The following PITPNC1 variants were observed in gnomAD, a reference collection of about 807,000 sequenced individuals.
PITPNC1 encodes phosphatidylinositol transfer protein cytoplasmic 1, also known as cytoplasmic phosphatidylinositol transfer protein 1.
PITPNC1 carries 18 observed loss-of-function variants against 44.7 expected under a neutral mutation model. The ratio of observed to expected loss-of-function variants is 0.40; its 90% CI spans 0.28 to 0.60. PITPNC1 has a LOEUF of 0.60. Among genes scored for constraint, PITPNC1 ranks in the 20% least tolerant of loss-of-function variants. PITPNC1 has a pLI of 0.39. For synonymous variants in PITPNC1, 141 were observed against 149.6 expected (o/e 0.94, Z 0.42); for missense variants, 290 against 418.4 (o/e 0.69, Z 2.68).
chr17:67,620,378 C>T (rs2041814228), intron 5 of PITPNC1, among the ~76,000 whole-genome samples: 1 of 152,106 alleles, frequency 6.6e-6, no homozygotes, highest in Non-Finnish European at 1.5e-5. Context: ...AACTCACACC[C>T]AGTACACTGG....
At chr17:67,442,029 T>C (rs2143924312) in intron 1 of PITPNC1, among the ~76,000 whole-genome samples, 1 of 151,964 alleles carries the variant, frequency 6.6e-6, no homozygotes, top group African/African-American at 2.4e-5. Flanking sequence ...CTCATGCACC[T>C]GCTGTATTTC....
chr17:67,681,529 A>T (rs7220062), intron 8 of PITPNC1, among the ~76,000 whole-genome samples: 5,354 of 142,806 alleles, frequency 0.037, 184 homozygotes, highest in African/African-American at 0.083. Context: ...GGACCACTTG[A>T]GTCTGGGAGG....
At chr17:67,401,359 A>G (rs1476523051) in intron 1 of PITPNC1, among the ~76,000 whole-genome samples, 2 of 152,182 alleles carry the variant, frequency 1.3e-5, no homozygotes, top group Non-Finnish European at 2.9e-5. Context: ...CTTTGGGCTT[A>G]ATACCAGCCA....
chr17:67,547,036 G>T lies in PITPNC1; in HGVS notation c.198-5221G>T, dbSNP rs571282997. Among the ~76,000 whole-genome samples the T allele has an allele frequency of 1.9e-3, 284 of 152,260 alleles. 1 individual carries two copies. The highest frequency in any genetic ancestry group is 6.5e-3 in the African/African-American group (269 of 41,544). Reference sequence around the variant, plus strand: ...TCAATTGCCAGTTTTAGTACAAGAAGGAAACAAAAGGTCAGTATATTCCTC... The same window carrying T: ...TCAATTGCCAGTTTTAGTACAAGAATGAAACAAAAGGTCAGTATATTCCTC... On this transcript the variant is annotated intron_variant, in intron 2 of 8. Transcript: ENST00000581322.
At chr17:67,471,227 A>G (rs2039524434) in intron 1 of PITPNC1, among the ~76,000 whole-genome samples, 2 of 142,302 alleles carry the variant, frequency 1.4e-5, no homozygotes, top group African/African-American at 5.5e-5. Flanking sequence ...AAAAAATGTA[A>G]AAAAAAAAAA....
At chr17:67,433,032 G>A (rs2038879118) in intron 1 of PITPNC1, among the ~76,000 whole-genome samples, 1 of 152,190 alleles carries the variant, frequency 6.6e-6, no homozygotes, top group African/African-American at 2.4e-5. Flanking sequence ...TAGGGACAGC[G>A]AGTGGGGGTG....
chr17:67,396,864 A>G (rs1045722475), intron 1 of PITPNC1, among the ~76,000 whole-genome samples: 6 of 151,964 alleles, frequency 3.9e-5, no homozygotes, highest in Admixed American at 6.6e-5. Context: ...TATGTTGCCC[A>G]GGCTGTTTTT....
chr17:67,518,901 C>G (rs887528432), intron 1 of PITPNC1, among the ~76,000 whole-genome samples: 3 of 152,148 alleles, frequency 2.0e-5, no homozygotes, highest in Non-Finnish European at 4.4e-5. Context: ...TATTTCACAC[C>G]ACTGCACTGT....
chr17:67,441,470 A>G (rs191319983), intron 1 of PITPNC1, among the ~76,000 whole-genome samples: 10 of 152,358 alleles, frequency 6.6e-5, no homozygotes, highest in African/African-American at 2.4e-4. Flanking sequence ...TAACATAAGC[A>G]GAGGAGAAAT....
rs908439493 is a variant in PITPNC1, at chr17:67,694,673, A to C, written c.*1785A>C. On this transcript the variant is annotated 3_prime_UTR_variant, in exon 9 of 9. Transcript: ENST00000581322. ...AGGAAACCTGTTGCAAATAGCTTAG[A>C]TCAACAGTGTATCTCTTCCCTAAGA... 2.6e-5 allele frequency: 4 copies of C among 152,238 alleles called. No individual in the cohort carries two copies. Among genetic ancestry groups the C allele is most frequent in the Non-Finnish European group, 5.9e-5 (4 of 68,040 alleles). The allele number at this position is 152,238 out of a possible 1,614,324, so 9.4% of individuals were successfully genotyped here. A position where few individuals can be genotyped will look rare whatever the true frequency, so the allele number is the denominator to read the frequency against.
At chr17:67,668,793 T>C (rs902718466) in intron 6 of PITPNC1, among the ~76,000 whole-genome samples, 5 of 111,670 alleles carry the variant, frequency 4.5e-5, no homozygotes, top group Admixed American at 1.7e-4. Flanking sequence ...ACCCGGGAGG[T>C]GGAGCTTGCA....
intron 1 of PITPNC1, among the ~76,000 whole-genome samples, chr17:67,486,002 TTTC>T (rs1370897376): frequency 1.3e-5 from 2 of 152,198 alleles, no homozygotes; most frequent in Non-Finnish European, 2.9e-5. Context: ...AGTATTAAAA[TTTC>T]TTCTGGTGAT....
intron 1 of PITPNC1, among the ~76,000 whole-genome samples, chr17:67,443,238 C>T (rs1310446991): frequency 1.3e-5 from 2 of 152,012 alleles, no homozygotes; most frequent in East Asian, 3.9e-4. Context: ...TGCTGTCTGC[C>T]TGAATTGTGC....
intron 5 of PITPNC1, among the ~76,000 whole-genome samples, chr17:67,610,506 C>T (rs975987461): frequency 1.3e-5 from 2 of 152,318 alleles, no homozygotes; most frequent in African/African-American, 4.8e-5. Context: ...CTTTTCTAAA[C>T]TTTGGGCCAG....
At chr17:67,529,218 T>C (rs935359607) in intron 1 of PITPNC1, among the ~76,000 whole-genome samples, 2 of 152,246 alleles carry the variant, frequency 1.3e-5, no homozygotes, top group African/African-American at 4.8e-5. Context: ...CCATCTCCAC[T>C]GAGCAGGAAG....
At chr17:67,410,976 G>A (rs539582607) in intron 1 of PITPNC1, among the ~76,000 whole-genome samples, 1 of 151,804 alleles carries the variant, frequency 6.6e-6, no homozygotes, top group East Asian at 2.0e-4. Flanking sequence ...CCAGCTACTC[G>A]GGAGGCTGAG....
rs533557016 is a variant in PITPNC1 at position 67,460,429 on chromosome 17, G to T, written c.49-72373G>T. On this transcript the variant is annotated intron_variant, in intron 1 of 8. Coordinates refer to ENST00000581322, the MANE Select transcript of PITPNC1 (RefSeq NM_012417.4). ...CCATCAGTGTGACCAAAATTTTCTT[G>T]TTTTTTTTTTTTGAAACAGAGTCTC... 2.0e-3 allele frequency among the ~76,000 whole-genome samples: 286 copies of T among 145,408 alleles called. 1 individual carries two copies. The highest frequency in any genetic ancestry group is 0.014 in the Middle Eastern group (4 of 284).
intron 1 of PITPNC1, among the ~76,000 whole-genome samples, chr17:67,379,683 C>CCT (rs2037928662): frequency 6.6e-6 from 1 of 152,108 alleles, no homozygotes; most frequent in South Asian, 2.1e-4. Flanking sequence ...TAATAGGAGT[C>CCT]TTTCCAGAAA....
At chr17:67,410,077 C>G (rs1035932555) in intron 1 of PITPNC1, among the ~76,000 whole-genome samples, 1 of 152,142 alleles carries the variant, frequency 6.6e-6, no homozygotes, top group Admixed American at 6.6e-5. Context: ...CTTCTATCAG[C>G]GATGTGTCAG....
Sources: gnomAD v4.1 joint callset for allele counts (sites outside exome capture counted in the v4.1 genomes callset) on GRCh38, gnomAD v4.1.1 for gene constraint, MANE v1.5 for transcripts, NCBI Gene and HGNC (gene_info 2026-07-23, HGNC 2026-07-21) for gene names.